The following OR51C1 variants were observed in gnomAD, a reference collection of about 807,000 sequenced individuals.
OR51C1 encodes the protein olfactory receptor family 51 subfamily C member 1.
the OR51C1 span, among the ~76,000 whole-genome samples, chr11:4,692,861 A>G: frequency 1.4e-5 from 2 of 147,404 alleles, no homozygotes; most frequent in East Asian, 2.2e-4. Context: ...TGAAAAAAAA[A>G]GGGGGGGTGG....
the OR51C1 span, among the ~76,000 whole-genome samples, chr11:4,693,938 T>C: frequency 3.3e-5 from 5 of 152,132 alleles, no homozygotes; most frequent in African/African-American, 1.2e-4. Context: ...AATTTCAATA[T>C]CTCATATACA....
the OR51C1 span, chr11:4,691,004 T>C: frequency 2.2e-6 from 1 of 455,604 alleles, no homozygotes; most frequent in South Asian, 1.6e-5. Context: ...TCCTCTCTTC[T>C]GGGGAAGCAA....
At chr11:4,690,928 T>G in the OR51C1 span, 1 of 455,682 alleles carries the variant, frequency 2.2e-6, no homozygotes. Context: ...ATGGACAGAC[T>G]GATCAATGGA....
At chr11:4,692,130 C>A in the OR51C1 span, 3 of 450,300 alleles carry the variant, frequency 6.7e-6, no homozygotes, top group African/African-American at 2.0e-5. Flanking sequence ...GAAAAATACA[C>A]TGGGGCTGTG....
At chr11:4,695,167 T>C in the OR51C1 span, among the ~76,000 whole-genome samples, 1 of 152,202 alleles carries the variant, frequency 6.6e-6, no homozygotes, top group Non-Finnish European at 1.5e-5. Context: ...TTGCAGAGCA[T>C]CAAGAGCCAG....
At chr11:4,694,945 G>T in the OR51C1 span, among the ~76,000 whole-genome samples, 1 of 152,106 alleles carries the variant, frequency 6.6e-6, no homozygotes, top group Non-Finnish European at 1.5e-5. Flanking sequence ...GAAAAACAGG[G>T]GAAGTGTGCT....
chr11:4,691,598 GA>G, the OR51C1 span: 60 of 455,686 alleles, frequency 1.3e-4, no homozygotes, highest in Non-Finnish European at 1.8e-5. Context: ...TTACAGAGAG[GA>G]AGCAGAAGGG....
chr11:4,691,026 G>A, the OR51C1 span: 2 of 456,536 alleles, frequency 4.4e-6, no homozygotes, highest in Non-Finnish European at 8.8e-6. Context: ...GCTAAGGACA[G>A]TCCTAATGAT....
chr11:4,697,396 G>A, the OR51C1 span, among the ~76,000 whole-genome samples: 1,274 of 152,314 alleles, frequency 8.4e-3, 18 homozygotes, highest in African/African-American at 0.029. Flanking sequence ...TTCACTGACT[G>A]TGATAAATAT....
At chr11:4,697,759 T>C in the OR51C1 span, 1 of 152,620 alleles carries the variant, frequency 6.6e-6, no homozygotes, top group South Asian at 2.1e-4. Context: ...GGAGACTTAT[T>C]CCAGCCTGAC....
chr11:4,692,220 A>T, the OR51C1 span: 1 of 446,042 alleles, frequency 2.2e-6, no homozygotes, highest in Non-Finnish European at 4.5e-6. Context: ...AAATATGAAG[A>T]AAGAGATCAT....
At chr11:4,692,174 A>G in the OR51C1 span, 2 of 453,052 alleles carry the variant, frequency 4.4e-6, no homozygotes, top group Non-Finnish European at 8.9e-6. Flanking sequence ...TAAGTGTGGA[A>G]AGCAGAGAAG....
chr11:4,690,788 C>A, the OR51C1 span: 1 of 411,522 alleles, frequency 2.4e-6, no homozygotes, highest in Non-Finnish European at 4.8e-6. Context: ...GAATTTTTAT[C>A]ACAGCTCTAC....
the OR51C1 span, among the ~76,000 whole-genome samples, chr11:4,694,101 T>A: frequency 6.6e-6 from 1 of 152,216 alleles, no homozygotes; most frequent in South Asian, 2.1e-4. Context: ...CTTAAAAAAA[T>A]TAAATTGCTA....
At chr11:4,694,609 G>A in the OR51C1 span, among the ~76,000 whole-genome samples, 3,817 of 150,748 alleles carry the variant, frequency 0.025, 180 homozygotes, top group African/African-American at 0.088. Context: ...CATATGCAGG[G>A]AGCTGAGCTT....
At chr11:4,693,624 G>C in the OR51C1 span, among the ~76,000 whole-genome samples, 1 of 152,170 alleles carries the variant, frequency 6.6e-6, no homozygotes, top group Non-Finnish European at 1.5e-5. Context: ...GGGAGGCTGA[G>C]GCAGGAGAAT....
At chr11:4,696,673 C>T in the OR51C1 span, among the ~76,000 whole-genome samples, 1 of 152,152 alleles carries the variant, frequency 6.6e-6, no homozygotes, top group African/African-American at 2.4e-5. Flanking sequence ...CTTTCCGACC[C>T]ATCCTCTCCA....
the OR51C1 span, among the ~76,000 whole-genome samples, chr11:4,697,013 G>A: frequency 1.1e-4 from 17 of 152,256 alleles, 1 homozygote; most frequent in Admixed American, 8.5e-4. Context: ...GAACATTATT[G>A]TCCTCAGTGC....
At chr11:4,691,195 A>G in the OR51C1 span, 1 of 456,674 alleles carries the variant, frequency 2.2e-6, no homozygotes, top group African/African-American at 2.0e-5. Context: ...CTGTGGCAGT[A>G]GGAAAGTCTT....
Sources: gnomAD v4.1 joint callset for allele counts (sites outside exome capture counted in the v4.1 genomes callset) on GRCh38, gnomAD v4.1.1 for gene constraint, MANE v1.5 for transcripts, NCBI Gene and HGNC (gene_info 2026-07-23, HGNC 2026-07-21) for gene names.